The following SHPK variants were observed in gnomAD, a reference collection of about 807,000 sequenced individuals.
The protein encoded by SHPK is carbohydrate kinase-like protein.
Under a neutral mutation model 46.3 loss-of-function variants are expected in SHPK, and 51 were observed. The ratio of observed to expected loss-of-function variants is 1.10; its 90% CI spans 0.88 to 1.39. The LOEUF (loss-of-function observed/expected upper bound fraction) is 1.39. Ranked by LOEUF, SHPK falls within the 40% of genes most tolerant of loss-of-function variation. The probability of loss-of-function intolerance (pLI) is 0.00; values close to 1 mark genes in which losing one functional copy is unlikely to be tolerated. For synonymous variants in SHPK, 290 were observed against 273.9 expected, an observed-to-expected ratio of 1.06 and a Z score of -0.58; for missense variants, 668 against 641.3, an observed-to-expected ratio of 1.04 and a Z score of -0.45.
chr17:3,616,887 G>A (rs222781), intron 5 of SHPK, among the ~76,000 whole-genome samples: 56,656 of 151,974 alleles, frequency 0.37, 12,311 homozygotes, highest in East Asian at 0.67. Context: ...ACAGGCATGC[G>A]CCACCACGCC....
intron 1 of SHPK, among the ~76,000 whole-genome samples, chr17:3,632,392 G>GAGACCAGCCTC (rs1268816012): frequency 6.6e-6 from 1 of 152,222 alleles, no homozygotes; most frequent in East Asian, 1.9e-4. Context: ...AGACCAGCCT[G>GAGACCAGCCTC]AGACCAGCCT....
chr17:3,614,905 C>T (rs921863638), intron 6 of SHPK, among the ~76,000 whole-genome samples: 1 of 151,746 alleles, frequency 6.6e-6, no homozygotes, highest in Non-Finnish European at 1.5e-5. Flanking sequence ...CTTCCTATGG[C>T]CAGGCTTCTC....
In SHPK at chr17:3,610,234, T is replaced by G. The variant is rs2075327991; in HGVS notation, c.*326A>C. 3.5e-6 allele frequency: 1 copy of G among 286,742 alleles called. No individual in the cohort carries two copies. Among genetic ancestry groups the G allele is most frequent in the African/African-American group, 2.1e-5 (1 of 47,612 alleles). 17.8% of individuals were successfully genotyped at this position (286,742 alleles called of 1,614,324 possible). A position where few individuals can be genotyped will look rare whatever the true frequency, so the allele number is the denominator to read the frequency against. On this transcript the variant is annotated 3_prime_UTR_variant, in exon 7 of 7. Coordinates refer to ENST00000225519, the MANE Select transcript of SHPK (RefSeq NM_013276.4). The stretch of plus-strand genomic sequence containing the variant: ...GAAGTACACATTGATCTGCTCTCTG[T>G]CTACAGGTGAACCACAGATGAGCCT...
intron 1 of SHPK, among the ~76,000 whole-genome samples, chr17:3,631,140 G>A (rs2075468922): frequency 6.6e-6 from 1 of 152,102 alleles, no homozygotes; most frequent in East Asian, 1.9e-4. Context: ...AGAGAAAGAA[G>A]GGAGGAGAGG....
chr17:3,617,659 TAAAC>T (rs886224386), intron 5 of SHPK, among the ~76,000 whole-genome samples: 3 of 152,126 alleles, frequency 2.0e-5, no homozygotes, highest in East Asian at 1.9e-4. Flanking sequence ...AGTTTTAACC[TAAAC>T]AAACAAACAA....
chr17:3,627,480 A>G (rs2075445205), intron 2 of SHPK, among the ~76,000 whole-genome samples: 3 of 152,018 alleles, frequency 2.0e-5, no homozygotes, highest in African/African-American at 4.8e-5. Flanking sequence ...CCCAGGGCCT[A>G]GCAAAGCGTT....
At position 3,629,685 on chromosome 17, in the gene SHPK, G is replaced by A. The variant is rs935986492; in HGVS notation, c.310+520C>T. On this transcript the variant is annotated intron_variant, in intron 2 of 6. Coordinates refer to ENST00000225519, the MANE Select transcript of SHPK (RefSeq NM_013276.4). ...AGAGGTTGCAGTGAGCTGAGTTTGC[G>A]CCACTGCACTCCAGCCTGGGTAACA... Among the ~76,000 whole-genome samples the A allele has an allele frequency of 4.8e-5, 7 of 147,022 alleles. 1 individual carries two copies. The highest frequency in any genetic ancestry group is 4.0e-4 in the East Asian group (2 of 4,948).
intron 2 of SHPK, among the ~76,000 whole-genome samples, chr17:3,626,634 A>T (rs1017972929): frequency 2.0e-5 from 3 of 151,562 alleles, no homozygotes; most frequent in African/African-American, 7.3e-5. Context: ...AGGCAGGAGA[A>T]TGGCGTGAAC....
chr17:3,621,797 C>T (rs377286155), intron 4 of SHPK, among the ~76,000 whole-genome samples: 6 of 151,720 alleles, frequency 4.0e-5, no homozygotes, highest in Non-Finnish European at 7.4e-5. Flanking sequence ...GGATTACAGG[C>T]GCACACCACC....
chr17:3,617,995 T>C lies in SHPK; in HGVS notation c.824-2458A>G, dbSNP rs371222837. ...TCTGCCCTATCAAAATTGTTTTGTC[T>C]TGCTTCTGCAAATACTTTATGAAAA... On this transcript the variant is annotated intron_variant, in intron 5 of 6. Coordinates refer to ENST00000225519, the MANE Select transcript of SHPK (RefSeq NM_013276.4). Among the ~76,000 whole-genome samples the C allele has an allele frequency of 3.3e-5, 5 of 152,370 alleles. No individual in the cohort carries two copies. The East Asian group carries it at 7.7e-4, about 23-fold the overall frequency.
Position 3,636,206 on chromosome 17 carries a change from G to C in SHPK, c.14C>G (p.Pro5Arg), listed in dbSNP as rs138595855. The change falls in exon 1 of 7, where the codon CCG becomes CGG. Residue 5 changes from proline to arginine, a missense_variant. Transcript: ENST00000225519. ...GCCCAGGTCAATGCCGAGGGTGATC[G>C]GCCGCGCAGCCATTATCTCCCTGAC... Reference protein sequence around the residue: MAARPITLGIDLGTT... With the variant: MAARRITLGIDLGTT... The C allele has an allele frequency of 7.8e-5, 125 of 1,603,936 alleles. No homozygotes were observed. Among genetic ancestry groups the C allele is most frequent in the African/African-American group, 1.9e-4 (14 of 74,290 alleles).
Position 3,630,235 on chromosome 17 carries a change from G to A in SHPK, c.280C>T (p.His94Tyr), listed in dbSNP as rs1339030060. 1 of 1,613,818 alleles carries A rather than the reference G, an allele frequency of 6.2e-7. No homozygotes were observed. The change falls in exon 2 of 7, where the codon CAT becomes TAT. Residue 94 changes from histidine to tyrosine, a missense_variant. Coordinates refer to ENST00000225519, the MANE Select transcript of SHPK (RefSeq NM_013276.4). ...VVGIGVSGQM[H>Y]GVVFWKTGQG... ...CCTGTTTTCCAAAACACGACTCCAT[G>A]CATCTGGCCCGACACCCCGATGCCC...
At position 3,636,018 on chromosome 17, in the gene SHPK, C is replaced by T. The variant is rs745946148; in HGVS notation, c.168+34G>A. 45 of 1,510,626 alleles carry T rather than the reference C, an allele frequency of 3.0e-5. No individual in the cohort carries two copies. The South Asian group carries it at 5.4e-4, about 18-fold the overall frequency. The allele number at this position is 1,510,626 out of a possible 1,614,324, so 93.6% of individuals were successfully genotyped here. On this transcript the variant is annotated intron_variant, in intron 1 of 6. Transcript: ENST00000225519. ...GTGGAAAAGGGTGGTCAGGAGGCTCCTGGAGGCGGCGCGGCCCCGGGGGTC... is the reference window on the plus strand; with the variant it reads ...GTGGAAAAGGGTGGTCAGGAGGCTCTTGGAGGCGGCGCGGCCCCGGGGGTC...
intron 2 of SHPK, among the ~76,000 whole-genome samples, chr17:3,626,856 T>C (rs994811486): frequency 1.1e-4 from 16 of 151,770 alleles, no homozygotes; most frequent in Admixed American, 5.9e-4. Flanking sequence ...GATCGCTCCA[T>C]TGTACTCCAG....
Position 3,610,734 on chromosome 17 carries a change from C to G in SHPK, c.1263G>C (p.Glu421Asp), listed in dbSNP as rs224496. The G allele has an allele frequency of 3.9e-5, 63 of 1,614,154 alleles. No homozygotes were observed. In the African/African-American group the frequency reaches 7.9e-4, roughly 20 times the overall value. ...TGCCCATCACCCTCTCCACGCCCCA[C>G]TCCTGGAGCTGCTGAATCGGAAGCA... ...HSMLPIQQLQEWGVERVMGSG... is the reference protein window; with the variant it reads ...HSMLPIQQLQDWGVERVMGSG... The change falls in exon 7 of 7, where the codon GAG becomes GAC. Residue 421 changes from glutamate (E) to aspartate (D), a missense_variant. Physicochemically the swap from Glu to Asp is conservative, Grantham distance 45. Transcript: ENST00000225519.
chr17:3,623,327 T>G lies in SHPK; in HGVS notation c.647+12A>C, dbSNP rs767458628. On this transcript the variant is annotated intron_variant, in intron 4 of 6. Coordinates refer to ENST00000225519, the MANE Select transcript of SHPK (RefSeq NM_013276.4). ...GAGCAGGAGGAACAGCCTGCAAGGA[T>G]GTGATACTCACGTCTCTACGTTCCA... The G allele has an allele frequency of 6.2e-7, 1 of 1,613,968 alleles. No homozygotes were observed. The highest frequency in any genetic ancestry group is 1.1e-5 in the South Asian group (1 of 91,080).
chr17:3,635,295 G>C (rs991730105), intron 1 of SHPK, among the ~76,000 whole-genome samples: 2 of 150,234 alleles, frequency 1.3e-5, no homozygotes, highest in African/African-American at 4.9e-5. Flanking sequence ...GAGTGCAACG[G>C]AGCGATCTCG....
intron 5 of SHPK, among the ~76,000 whole-genome samples, chr17:3,615,907 T>A (rs932252858): frequency 2.7e-5 from 4 of 145,566 alleles, no homozygotes; most frequent in Non-Finnish European, 4.5e-5. Context: ...CAGGCTGGAG[T>A]GCAATGGTGC....
chr17:3,634,201 C>T (rs2075491506), intron 1 of SHPK, among the ~76,000 whole-genome samples: 1 of 148,640 alleles, frequency 6.7e-6, no homozygotes, highest in Admixed American at 6.8e-5. Context: ...CTGTCCTTCC[C>T]TCCACTATTG....
Sources: gnomAD v4.1 joint callset for allele counts (sites outside exome capture counted in the v4.1 genomes callset) on GRCh38, gnomAD v4.1.1 for gene constraint, MANE v1.5 for transcripts, NCBI Gene and HGNC (gene_info 2026-07-23, HGNC 2026-07-21) for gene names.